TASOR: variants seen among roughly 807,000 people sequenced by gnomAD.
TASOR encodes the protein transcription activation suppressor.
TASOR carries 53 observed loss-of-function variants against 178.6 expected under a neutral mutation model. That is an observed-to-expected ratio of 0.30 (90% CI 0.24 to 0.37). TASOR has a LOEUF of 0.37. TASOR is among the 10% of genes least tolerant of loss of function. The pLI is 1.00. For synonymous variants in TASOR, 713 were observed against 696.2 expected (o/e 1.02, Z -0.38); for missense variants, 1,815 against 1,971.4 (o/e 0.92, Z 1.50).
At chr3:56,626,981 T>C (rs905759306) in intron 21 of TASOR, 56 bp downstream of exon 21, 1 of 1,059,148 alleles carries the variant, frequency 9.4e-7, no homozygotes. Context: ...GAGAGAAATA[T>C]TATGAGTACA....
At position 56,623,057 on chromosome 3, in the gene TASOR, G is replaced by A. The variant is rs779408366; in HGVS notation, c.4993C>T (p.Pro1665Ser). Residue 1665 changes from proline to serine, a missense_variant, in exon 24 of 24, where the codon CCA becomes TCA. By Grantham distance (74) the Pro-to-Ser change is moderately conservative (BLOSUM62 -1). Around this residue, in one of 5 missense-constraint regions of TASOR, gnomAD observed 278 missense variants for 257.1 expected, o/e 1.08. Transcript: ENST00000683822. ...TACAGTTATTTCTCTTGTGAATATG[G>A]CCTGGAAGAATCACTTTTCCCCCAA... ...LSWGKSDSSRPYSQEK is the reference protein window; with the variant it reads ...LSWGKSDSSRSYSQEK The A allele has an allele frequency of 6.3e-7, 1 of 1,582,418 alleles. No homozygotes were observed. The highest frequency in any genetic ancestry group is 8.6e-7 in the Non-Finnish European group (1 of 1,165,680).
At chr3:56,657,401 G>A (rs2077496472) in intron 11 of TASOR, among the ~76,000 whole-genome samples, 2 of 151,470 alleles carry the variant, frequency 1.3e-5, no homozygotes, top group South Asian at 4.2e-4. Context: ...AAACTTCCCT[G>A]GATTTCTACG....
intron 9 of TASOR, among the ~76,000 whole-genome samples, chr3:56,661,833 A>G (rs1411297794): frequency 2.6e-5 from 4 of 152,182 alleles, no homozygotes; most frequent in Non-Finnish European, 2.9e-5. Context: ...ATCACTAAGA[A>G]AAAGTTTTAG....
At chr3:56,671,048 T>G (rs2030671189) in intron 3 of TASOR, among the ~76,000 whole-genome samples, 4 of 143,394 alleles carry the variant, frequency 2.8e-5, no homozygotes, top group Admixed American at 1.4e-4. Context: ...GTCTTCTTAA[T>G]AAAGAAAAAA....
chr3:56,639,390 C>A (rs1357236701), intron 16 of TASOR, among the ~76,000 whole-genome samples: 1 of 143,338 alleles, frequency 7.0e-6, no homozygotes, highest in Non-Finnish European at 1.5e-5. Context: ...TGTGTTTGCA[C>A]AGAGAAATTA....
intron 11 of TASOR, among the ~76,000 whole-genome samples, chr3:56,659,050 A>G (rs540845555): frequency 1.2e-4 from 18 of 152,250 alleles, no homozygotes; most frequent in Non-Finnish European, 1.9e-4. Context: ...AAGACTCGCA[A>G]GGGTTTTATA....
chr3:56,633,264 T>G lies in TASOR; in HGVS notation c.3527A>C (p.His1176Pro), dbSNP rs768864639. ...CCGGGCCATATCACCAGGTACAATA[T>G]GATCAGAAGTCACCATTAACTCTGT... ...HATELMVTSD[H>P]IVPGDMAREP... The change falls in exon 18 of 24, where the codon CAT becomes CCT. Residue 1176 changes from histidine to proline, a missense_variant. By Grantham distance (77) the His-to-Pro change is moderately conservative. Transcript: ENST00000683822. The G allele has an allele frequency of 8.7e-6, 14 of 1,614,172 alleles. No individual in the cohort carries two copies. The Middle Eastern group carries it at 6.6e-4, about 76-fold the overall frequency.
In TASOR at chr3:56,633,392, G is replaced by A; in HGVS notation, c.3399C>T (p.Leu1133=). 1 of 1,614,160 alleles carries A rather than the reference G, an allele frequency of 6.2e-7. No individual in the cohort carries two copies. Among genetic ancestry groups the A allele is most frequent in the South Asian group, 1.1e-5 (1 of 91,060 alleles). Residue 1133 remains leucine, a synonymous_variant, in exon 18 of 24, where the codon CTC becomes CTT. Transcript: ENST00000683822. ...VSSSDFNNKH[L]LEPLCSDPLK... The stretch of plus-strand genomic sequence containing the variant: ...AAGGATCACTACACAGTGGCTCAAG[G>A]AGATGTTTATTGTTGAAGTCACTTG...
At chr3:56,635,307 G>T (rs1433625984) in intron 17 of TASOR, among the ~76,000 whole-genome samples, 1 of 152,162 alleles carries the variant, frequency 6.6e-6, no homozygotes, top group Non-Finnish European at 1.5e-5. Context: ...AACGTGCCAG[G>T]ATAAGAATTA....
At chr3:56,668,632 A>T (rs2030314571) in intron 5 of TASOR, 74 bp from the exon 6 acceptor site, 2 of 1,074,650 alleles carry the variant, frequency 1.9e-6, no homozygotes, top group Non-Finnish European at 2.6e-6. Flanking sequence ...ATTATGAAAT[A>T]CTTCTTTGAA....
At chr3:56,666,948 A>G (rs148224801) in intron 6 of TASOR, among the ~76,000 whole-genome samples, 28 of 152,228 alleles carry the variant, frequency 1.8e-4, no homozygotes, top group African/African-American at 6.5e-4. Context: ...CTTTCAGAGT[A>G]GTGATTTTCA....
intron 11 of TASOR, among the ~76,000 whole-genome samples, chr3:56,650,845 T>C (rs9816100): frequency 0.19 from 28,175 of 152,162 alleles, 3,436 homozygotes; most frequent in South Asian, 0.4. Flanking sequence ...AAGCGGACAA[T>C]GTACCTGAAA....
chr3:56,648,707 G>A, intron 13 of TASOR, 115 bp downstream of exon 13: 1 of 562,978 alleles, frequency 1.8e-6, no homozygotes, highest in Non-Finnish European at 3.1e-6. Flanking sequence ...TTAACCCCCA[G>A]TATTTCCTGA....
chr3:56,671,817 ATACTCTCTG>A (rs1277988903), intron 2 of TASOR, 125 bp from the exon 3 acceptor site: 10 of 614,280 alleles, frequency 1.6e-5, no homozygotes, highest in Non-Finnish European at 2.7e-5. Context: ...CTATCTCTCT[ATACTCTCTG>A]TCCTTCAGTT....
In TASOR at chr3:56,623,108, T is replaced by C. The variant is rs762051651; in HGVS notation, c.4942A>G (p.Arg1648Gly). The change falls in exon 24 of 24, where the codon AGA (arginine) becomes GGA (glycine). Residue 1648 changes from arginine to glycine, a missense_variant. Physicochemically the swap from Arg to Gly is moderately radical, Grantham distance 125. This residue lies in a region of TASOR where 278 missense variants were observed against 257.1 expected (regional missense o/e 1.08). Coordinates refer to ENST00000683822, the MANE Select transcript of TASOR (RefSeq NM_001365635.2). The stretch of plus-strand genomic sequence containing the variant: ...CTTAAGGGAGGTGGAGATTTATCTC[T>C]ATCCAAGCTTTCAGTATAAGCAGAT... ...FLSAYTESLD[R>G]DKSPPPLSWG... The C allele has an allele frequency of 6.2e-7, 1 of 1,613,046 alleles. No individual in the cohort carries two copies. Among genetic ancestry groups the C allele is most frequent in the Non-Finnish European group, 8.5e-7 (1 of 1,179,532 alleles).
intron 7 of TASOR, chr3:56,663,982 A>G (rs2077654818): frequency 2.1e-6 from 1 of 479,588 alleles, no homozygotes; most frequent in Non-Finnish European, 2.7e-6. Context: ...AGGATTATAG[A>G]GATAAACAGA....
chr3:56,633,815 G>A lies in TASOR; in HGVS notation c.2976C>T (p.Asp992=), dbSNP rs752733660. 14 of 1,614,078 alleles carry A rather than the reference G, an allele frequency of 8.7e-6. No individual in the cohort carries two copies. The highest frequency in any genetic ancestry group is 4.5e-5 in the East Asian group (2 of 44,868). ...GCTCCTCCACCTGACCTGTCAACAC[G>A]TCATCCTCAGTGGTGCCCTTTAGTG... ...TDTLKGTTED[D]VLTGQVEEQC... is the part of the protein sequence containing the mutation. Residue 992 remains aspartate, a synonymous_variant, in exon 18 of 24, where the codon GAC becomes GAT. Transcript: ENST00000683822.
intron 1 of TASOR, among the ~76,000 whole-genome samples, chr3:56,678,241 G>A (rs975247646): frequency 2.1e-5 from 3 of 145,672 alleles, no homozygotes; most frequent in Non-Finnish European, 4.5e-5. Context: ...GAGTGCAGTG[G>A]CGCGATCTTG....
chr3:56,677,476 A>G (rs2031406105), intron 1 of TASOR, among the ~76,000 whole-genome samples: 1 of 152,230 alleles, frequency 6.6e-6, no homozygotes, highest in Admixed American at 6.5e-5. Flanking sequence ...CCGTTTCTCA[A>G]TTGAAACTGA....
Sources: allele counts gnomAD v4.1 joint callset (sites outside exome capture counted in the v4.1 genomes callset), GRCh38; gene constraint gnomAD v4.1.1; regional missense constraint gnomAD v4.1.1; transcripts MANE v1.5; gene names NCBI Gene and HGNC (gene_info 2026-07-23, HGNC 2026-07-21).